The following SLC44A1 variants were observed in gnomAD, a reference collection of about 807,000 sequenced individuals.
SLC44A1 encodes choline transporter-like protein 1.
Under a neutral mutation model 79.3 loss-of-function variants are expected in SLC44A1, and 26 were observed. The ratio of observed to expected loss-of-function variants is 0.33; its 90% CI spans 0.24 to 0.46. SLC44A1 has a LOEUF of 0.46. Ranked by LOEUF, SLC44A1 falls within the 20% of genes least tolerant of loss-of-function variation. The probability of loss-of-function intolerance (pLI) is 1.00; values close to 1 mark genes in which losing one functional copy is unlikely to be tolerated. For synonymous variants in SLC44A1, 263 were observed against 286.2 expected, an observed-to-expected ratio of 0.92 and a Z score of 0.82; for missense variants, 688 against 798.1, an observed-to-expected ratio of 0.86 and a Z score of 1.66.
At chr9:105,425,712 A>G (rs981042589) in intron 15 of SLC44A1, among the ~76,000 whole-genome samples, 1 of 152,206 alleles carries the variant, frequency 6.6e-6, no homozygotes, top group South Asian at 2.1e-4. Context: ...AATCCCAGCT[A>G]CTTGGGAGGC....
At chr9:105,437,109 C>A (rs1335607201) in intron 15 of SLC44A1, among the ~76,000 whole-genome samples, 1 of 152,078 alleles carries the variant, frequency 6.6e-6, no homozygotes, top group Non-Finnish European at 1.5e-5. Context: ...TTTAACCCAT[C>A]CTAATGGGGC....
intron 12 of SLC44A1, among the ~76,000 whole-genome samples, chr9:105,372,449 G>A (rs1029103502): frequency 5.9e-5 from 9 of 151,662 alleles, no homozygotes; most frequent in South Asian, 2.1e-4. Flanking sequence ...CAGCACGCCC[G>A]GCTAATTTTT....
chr9:105,300,066 T>A, intron 2 of SLC44A1: 1 of 324,500 alleles, frequency 3.1e-6, no homozygotes, highest in Non-Finnish European at 4.4e-6. Flanking sequence ...CTGCTATTTT[T>A]AAAGCGGTCT....
At chr9:105,307,794 G>A (rs866581980) in intron 2 of SLC44A1, among the ~76,000 whole-genome samples, 1 of 152,188 alleles carries the variant, frequency 6.6e-6, no homozygotes, top group Admixed American at 6.5e-5. Flanking sequence ...ATGTAAATAT[G>A]CAAATATGTA....
intron 6 of SLC44A1, 104 bp downstream of exon 6, chr9:105,356,485 T>G: frequency 1.4e-6 from 1 of 711,378 alleles, no homozygotes; most frequent in East Asian, 2.8e-5. Flanking sequence ...TGTAAAATGT[T>G]TAACTTCCCA....
chr9:105,349,553 A>ACT (rs1178346253), intron 5 of SLC44A1, among the ~76,000 whole-genome samples: 2 of 152,232 alleles, frequency 1.3e-5, no homozygotes, highest in African/African-American at 2.4e-5. Flanking sequence ...AAAGATAGTA[A>ACT]GAGAGACTTA....
intron 1 of SLC44A1, among the ~76,000 whole-genome samples, chr9:105,268,584 A>C (rs927094364): frequency 6.6e-6 from 1 of 151,824 alleles, no homozygotes; most frequent in Non-Finnish European, 1.5e-5. Context: ...GCTCACTGCA[A>C]CCTCCACCTC....
At chr9:105,379,334 G>A (rs866470267) in intron 13 of SLC44A1, among the ~76,000 whole-genome samples, 5 of 152,158 alleles carry the variant, frequency 3.3e-5, no homozygotes, top group Non-Finnish European at 2.9e-5. Flanking sequence ...GTTAGAGATC[G>A]GGTTGAGGAG....
chr9:105,356,443 T>C (rs1472187307), intron 6 of SLC44A1, 62 bp downstream of exon 6: 1 of 1,156,864 alleles, frequency 8.6e-7, no homozygotes, highest in Non-Finnish European at 1.2e-6. Context: ...GTTTTGTCTT[T>C]TAGCCAAAAT....
At chr9:105,431,363 G>A (rs112264310) in intron 15 of SLC44A1, among the ~76,000 whole-genome samples, 2,462 of 152,228 alleles carry the variant, frequency 0.016, 78 homozygotes, top group African/African-American at 0.056. Context: ...TCTTGATATC[G>A]TGTCAATGTC....
At chr9:105,327,935 A>G (rs562806346) in intron 3 of SLC44A1, among the ~76,000 whole-genome samples, 1 of 152,274 alleles carries the variant, frequency 6.6e-6, no homozygotes, top group South Asian at 2.1e-4. Flanking sequence ...GTGTGGTCTT[A>G]TTTATCATCG....
chr9:105,321,244 G>A (rs1260963419), intron 3 of SLC44A1, among the ~76,000 whole-genome samples: 1 of 151,856 alleles, frequency 6.6e-6, no homozygotes, highest in Non-Finnish European at 1.5e-5. Context: ...TTTTGATTAT[G>A]GTGTGAAGAA....
Position 105,323,611 on chromosome 9 carries a change from A to G in SLC44A1, c.270-11952A>G, listed in dbSNP as rs570626712. Among the ~76,000 whole-genome samples, 45 of 152,364 alleles carry G rather than the reference A, an allele frequency of 3.0e-4. No homozygotes were observed. The South Asian group carries it at 6.8e-3, about 23-fold the overall frequency. On this transcript the variant is annotated intron_variant, in intron 3 of 15. Transcript: ENST00000374720. Reference sequence around the variant, plus strand: ...CATCTTCATTATCATCATCTAAAACAAGCTTCAAAGTTACTTAATCAAGGC... The same window carrying G: ...CATCTTCATTATCATCATCTAAAACGAGCTTCAAAGTTACTTAATCAAGGC...
At chr9:105,265,449 C>T (rs1386295459) in intron 1 of SLC44A1, among the ~76,000 whole-genome samples, 1 of 152,232 alleles carries the variant, frequency 6.6e-6, no homozygotes, top group African/African-American at 2.4e-5. Context: ...GAGATGCATC[C>T]ATGCTATTGC....
At chr9:105,401,567 G>C (rs548357253), downstream of SLC44A1, among the ~76,000 whole-genome samples, 2 of 152,252 alleles carry the variant, frequency 1.3e-5, no homozygotes, top group South Asian at 4.1e-4. Context: ...GAAAGGTCAG[G>C]AGGAGGAGTG....
At chr9:105,378,430 A>T (rs867335806) in intron 13 of SLC44A1, among the ~76,000 whole-genome samples, 1 of 152,134 alleles carries the variant, frequency 6.6e-6, no homozygotes, top group East Asian at 1.9e-4. Flanking sequence ...GCTGTGCTCA[A>T]TTTTTTACTA....
At chr9:105,384,324 G>T (rs1382394309) in intron 14 of SLC44A1, among the ~76,000 whole-genome samples, 1 of 152,002 alleles carries the variant, frequency 6.6e-6, no homozygotes, top group Non-Finnish European at 1.5e-5. Context: ...GGGATTACAT[G>T]CATGTGCCAC....
intron 1 of SLC44A1, among the ~76,000 whole-genome samples, chr9:105,254,449 C>G (rs529789765): frequency 1.3e-5 from 2 of 152,132 alleles, no homozygotes; most frequent in Non-Finnish European, 2.9e-5. Context: ...AGGGCAACAC[C>G]GGAACAAAAG....
rs368933204 is a variant in SLC44A1 at position 105,299,363 on chromosome 9, C to T, written c.126+54C>T. 464 of 1,265,814 alleles carry T rather than the reference C, an allele frequency of 3.7e-4. 2 individuals carry two copies. The highest frequency in any genetic ancestry group is 2.0e-3 in the African/African-American group (128 of 64,632). The allele number at this position is 1,265,814 out of a possible 1,614,324, so 78.4% of individuals were successfully genotyped here. A position where few individuals can be genotyped will look rare whatever the true frequency, so the allele number is the denominator to read the frequency against. On this transcript the variant is annotated intron_variant, in intron 2 of 15. Transcript: ENST00000374720. ...CTGGACTCATGATCCAAGGGAATGA[C>T]GAGTAGTTGTTTTAATGAGGGCAGT... is the stretch of plus-strand genomic sequence containing the variant.
Sources: gnomAD v4.1 joint callset for allele counts (sites outside exome capture counted in the v4.1 genomes callset) on GRCh38, gnomAD v4.1.1 for gene constraint, MANE v1.5 for transcripts, NCBI Gene and HGNC (gene_info 2026-07-23, HGNC 2026-07-21) for gene names.